The following FAM227B variants were observed in gnomAD, a reference collection of about 807,000 sequenced individuals.
The protein encoded by FAM227B is family with sequence similarity 227 member B, also known as protein FAM227B.
A neutral mutation model predicts 73.8 loss-of-function variants in FAM227B; 88 were observed. That is an observed-to-expected ratio of 1.19 (90% confidence interval 1.00 to 1.42). The LOEUF (loss-of-function observed/expected upper bound fraction) is 1.42. Among genes scored for constraint, FAM227B ranks in the 40% most tolerant of loss-of-function variants. The pLI is 0.00. For synonymous variants in FAM227B, 210 were observed against 190.5 expected (o/e 1.10, Z -0.84); for missense variants, 632 against 590.9 (o/e 1.07, Z -0.72).
intron 11 of FAM227B, among the ~76,000 whole-genome samples, chr15:49,407,795 G>A (rs528632555): frequency 6.6e-6 from 1 of 151,924 alleles, no homozygotes; most frequent in South Asian, 2.1e-4. Flanking sequence ...CCACAATCAA[G>A]ATATAGAACT....
chr15:49,349,125 A>G (rs985445233), intron 13 of FAM227B, among the ~76,000 whole-genome samples: 2 of 152,180 alleles, frequency 1.3e-5, no homozygotes, highest in African/African-American at 4.8e-5. Flanking sequence ...TGTATCTTGT[A>G]TATTTTATTA....
chr15:49,603,265 C>T (rs913690500), intron 3 of FAM227B, among the ~76,000 whole-genome samples: 1 of 152,070 alleles, frequency 6.6e-6, no homozygotes, highest in Non-Finnish European at 1.5e-5. Context: ...TTGATTATTC[C>T]AATCCATAAA....
At chr15:49,595,361 C>T (rs755947026) in intron 3 of FAM227B, among the ~76,000 whole-genome samples, 8 of 151,828 alleles carry the variant, frequency 5.3e-5, no homozygotes, top group Admixed American at 2.6e-4. Flanking sequence ...TCTTTATCAT[C>T]TTCTAGGTAT....
In FAM227B at chr15:49,489,893, G is replaced by T. The variant is rs1371407696; in HGVS notation, c.1012+18318C>A. Among the ~76,000 whole-genome samples, 9 of 25,398 alleles carry T rather than the reference G, an allele frequency of 3.5e-4. 1 individual carries two copies. In the East Asian group the frequency reaches 5.3e-3, roughly 15 times the overall value. 16.7% of individuals were successfully genotyped at this position (25,398 alleles called of 152,430 possible). On this transcript the variant is annotated intron_variant, in intron 11 of 15. Transcript: ENST00000299338. ...ATATATATATATATATAGAGAGAGA[G>T]AGAGAGAGAGAGAGAGAGAGACAGA...
At chr15:49,346,787 C>T (rs1277581322) in intron 13 of FAM227B, among the ~76,000 whole-genome samples, 3 of 152,188 alleles carry the variant, frequency 2.0e-5, no homozygotes, top group Non-Finnish European at 4.4e-5. Context: ...TGGCCAGAAT[C>T]TCCTACTTTA....
intron 9 of FAM227B, among the ~76,000 whole-genome samples, chr15:49,562,288 A>T (rs2074321831): frequency 6.6e-6 from 1 of 152,206 alleles, no homozygotes; most frequent in Non-Finnish European, 1.5e-5. Flanking sequence ...ACTTCCCATG[A>T]CTGAAGCAGG....
chr15:49,354,378 A>G (rs1166585855), intron 13 of FAM227B, among the ~76,000 whole-genome samples: 2 of 152,192 alleles, frequency 1.3e-5, no homozygotes, highest in Non-Finnish European at 2.9e-5. Context: ...GGCGCAGGTC[A>G]GTGGGTGCGC....
chr15:49,480,649 T>G (rs546726025), intron 11 of FAM227B, among the ~76,000 whole-genome samples: 1 of 151,940 alleles, frequency 6.6e-6, no homozygotes, highest in Admixed American at 6.6e-5. Flanking sequence ...ACCCGGATAA[T>G]TTTTTGTATT....
At chr15:49,360,021 T>G (rs1174684393) in intron 13 of FAM227B, among the ~76,000 whole-genome samples, 1 of 138,572 alleles carries the variant, frequency 7.2e-6, no homozygotes. Context: ...TTCTCACTCA[T>G]AGGTGGGAAT....
intron 13 of FAM227B, among the ~76,000 whole-genome samples, chr15:49,359,100 A>C (rs2043718315): frequency 6.6e-6 from 1 of 152,044 alleles, no homozygotes; most frequent in Admixed American, 6.6e-5. Context: ...AGATAGATTA[A>C]AGACTTAAAC....
At chr15:49,570,294 T>C (rs1939585876) in intron 8 of FAM227B, among the ~76,000 whole-genome samples, 1 of 151,940 alleles carries the variant, frequency 6.6e-6, no homozygotes, top group Non-Finnish European at 1.5e-5. Flanking sequence ...AAACTTGTTA[T>C]CTTTCATCTT....
chr15:49,613,335 G>A (rs947494196), intron 2 of FAM227B, among the ~76,000 whole-genome samples: 17 of 152,104 alleles, frequency 1.1e-4, no homozygotes, highest in Admixed American at 3.3e-4. Context: ...TGGCCAACAC[G>A]GTAAAACCCC....
At chr15:49,506,599 G>C (rs2058603809) in intron 11 of FAM227B, among the ~76,000 whole-genome samples, 1 of 151,814 alleles carries the variant, frequency 6.6e-6, no homozygotes, top group Non-Finnish European at 1.5e-5. Flanking sequence ...TATGCCCTCA[G>C]ACCACAGTAG....
intron 11 of FAM227B, among the ~76,000 whole-genome samples, chr15:49,406,645 G>A (rs969474064): frequency 1.3e-5 from 2 of 152,090 alleles, no homozygotes; most frequent in South Asian, 2.1e-4. Flanking sequence ...TTAGTGGTGG[G>A]GAGTGCCGTG....
At chr15:49,521,577 G>A (rs1005316179) in intron 10 of FAM227B, among the ~76,000 whole-genome samples, 6 of 152,152 alleles carry the variant, frequency 3.9e-5, no homozygotes, top group Admixed American at 1.3e-4. Context: ...CTGAAAGTGT[G>A]CCTGCTGCCA....
intron 15 of FAM227B, chr15:49,328,881 C>G (rs2038019538): frequency 1.5e-6 from 2 of 1,316,826 alleles, no homozygotes; most frequent in Non-Finnish European, 1.9e-6. Context: ...TTCTTTTGGC[C>G]CTGAGCTATC....
intron 11 of FAM227B, among the ~76,000 whole-genome samples, chr15:49,445,046 T>C (rs2052056814): frequency 6.6e-6 from 1 of 151,674 alleles, no homozygotes; most frequent in Non-Finnish European, 1.5e-5. Context: ...CTAATTATTA[T>C]ATAGATTTCA....
chr15:49,494,507 C>T (rs933868023), intron 11 of FAM227B, among the ~76,000 whole-genome samples: 6 of 152,062 alleles, frequency 3.9e-5, no homozygotes, highest in African/African-American at 1.2e-4. Context: ...TTATACATTG[C>T]ACTGATTTAC....
chr15:49,401,907 C>T (rs1240611395), intron 11 of FAM227B, among the ~76,000 whole-genome samples: 3 of 142,980 alleles, frequency 2.1e-5, no homozygotes, highest in Non-Finnish European at 4.6e-5. Context: ...TGCTAGATGA[C>T]GAGTTAGTGG....
Sources: allele counts gnomAD v4.1 joint callset (sites outside exome capture counted in the v4.1 genomes callset), GRCh38; gene constraint gnomAD v4.1.1; transcripts MANE v1.5; gene names NCBI Gene and HGNC (gene_info 2026-07-23, HGNC 2026-07-21).